Variants in RNF111 observed in about 807,000 individuals in gnomAD.
RNF111 encodes the protein E3 ubiquitin-protein ligase Arkadia.
Under a neutral mutation model 95.1 loss-of-function variants are expected in RNF111, and 17 were observed. That is an observed-to-expected ratio of 0.18 (90% confidence interval 0.12 to 0.27). RNF111 has a LOEUF of 0.27. RNF111 is among the 10% of genes least tolerant of loss of function. The pLI, the probability that RNF111 is intolerant of heterozygous loss-of-function variation, is 1.00. For missense variants in RNF111, 1,189 were observed against 1,210.4 expected, an observed-to-expected ratio of 0.98 and a Z score of 0.26; for synonymous variants, 440 against 414.8, an observed-to-expected ratio of 1.06 and a Z score of -0.74.
At chr15:58,990,142 C>G (rs73414883) in intron 1 of RNF111, among the ~76,000 whole-genome samples, 12,612 of 152,154 alleles carry the variant, frequency 0.083, 626 homozygotes, top group African/African-American at 0.14. Context: ...TACATTAGAT[C>G]TCCGAGTTTA....
chr15:59,023,403 A>G (rs2040443818), intron 1 of RNF111, among the ~76,000 whole-genome samples: 1 of 152,232 alleles, frequency 6.6e-6, no homozygotes, highest in Non-Finnish European at 1.5e-5. Context: ...GTCTCTTGTT[A>G]AATTTCATAC....
rs2899641 is a variant in RNF111, at chr15:59,052,552, A to G, written c.1007+121A>G. On this transcript the variant is annotated intron_variant, in intron 3 of 13. Transcript: ENST00000348370. ...TTTTTGAGACCCAGTTTGAGTATGC[A>G]TATATCAGATTAGTGGATTTTTTTT... 1,249 of 587,164 alleles carry G rather than the reference A, an allele frequency of 2.1e-3. 36 individuals carry two copies. In the East Asian group the frequency reaches 0.044, roughly 21 times the overall value. 36.4% of individuals were successfully genotyped at this position (587,164 alleles called of 1,614,324 possible).
intron 1 of RNF111, among the ~76,000 whole-genome samples, chr15:59,012,890 C>A (rs2039893771): frequency 1.3e-5 from 2 of 152,126 alleles, no homozygotes; most frequent in Admixed American, 1.3e-4. Flanking sequence ...AGGTGCCTGA[C>A]ACCACACCTG....
intron 1 of RNF111, among the ~76,000 whole-genome samples, chr15:59,001,704 A>G (rs1047976644): frequency 6.6e-6 from 1 of 152,218 alleles, no homozygotes; most frequent in East Asian, 1.9e-4. Flanking sequence ...AAATCATGTG[A>G]TATAAGATTT....
chr15:58,989,954 C>G (rs1229201663), intron 1 of RNF111, among the ~76,000 whole-genome samples: 1 of 151,508 alleles, frequency 6.6e-6, no homozygotes, highest in African/African-American at 2.4e-5. Context: ...CTTCTTTTGA[C>G]TTTTTCTCCC....
At position 58,992,335 on chromosome 15, in the gene RNF111, G is replaced by A. The variant is rs137950379; in HGVS notation, c.-20+4267G>A. Among the ~76,000 whole-genome samples, 766 of 152,176 alleles carry A rather than the reference G, an allele frequency of 5.0e-3. 12 individuals carry two copies. The highest frequency in any genetic ancestry group is 0.018 in the African/African-American group (732 of 41,512). ...GCTGGGATTACAGACGTGGGCCACC[G>A]TGCCCAGCAATGTCTGTTATTTTAA... is the stretch of plus-strand genomic sequence containing the variant. On this transcript the variant is annotated intron_variant, in intron 1 of 13. Coordinates refer to ENST00000348370, the MANE Select transcript of RNF111 (RefSeq NM_017610.8).
rs550694025 is a variant in RNF111, at chr15:59,082,913, C to G, written c.2298-1216C>G. Among the ~76,000 whole-genome samples the G allele has an allele frequency of 1.3e-4, 20 of 152,266 alleles. No individual in the cohort carries two copies. In the South Asian group the frequency reaches 3.9e-3, roughly 30 times the overall value. ...GTTTAACAGTCTTATCTTCCAGTAA[C>G]TGGCAAATTGTTGTTTAGAATAAAC... On this transcript the variant is annotated intron_variant, in intron 8 of 13. Coordinates refer to ENST00000348370, the MANE Select transcript of RNF111 (RefSeq NM_017610.8).
intron 9 of RNF111, among the ~76,000 whole-genome samples, chr15:59,085,074 T>C (rs1417274807): frequency 2.6e-5 from 4 of 152,218 alleles, no homozygotes; most frequent in Non-Finnish European, 4.4e-5. Context: ...TTAGATTAAT[T>C]TTCTGAATCC....
Position 59,085,800 on chromosome 15 carries a change from T to G in RNF111, c.2550+15T>G, listed in dbSNP as rs780838149. ...TTCCTTTAATGGTAAAATGGAAAATTTTCAAAATTTTGACATGTTCTAAAA... is the reference window on the plus strand; with the variant it reads ...TTCCTTTAATGGTAAAATGGAAAATGTTCAAAATTTTGACATGTTCTAAAA... On this transcript the variant is annotated intron_variant, in intron 10 of 13. Coordinates refer to ENST00000348370, the MANE Select transcript of RNF111 (RefSeq NM_017610.8). 6.2e-7 allele frequency: 1 copy of G among 1,609,702 alleles called. No individual in the cohort carries two copies. Among genetic ancestry groups the G allele is most frequent in the Admixed American group, 1.7e-5 (1 of 59,560 alleles).
At chr15:59,093,254 T>TG in intron 13 of RNF111, 1 of 320,028 alleles carries the variant, frequency 3.1e-6, no homozygotes, top group Non-Finnish European at 6.1e-6. Context: ...TGAGAGGCTT[T>TG]GGAGGTCCTA....
intron 1 of RNF111, among the ~76,000 whole-genome samples, chr15:58,995,463 T>G (rs925999238): frequency 1.1e-5 from 1 of 90,760 alleles, no homozygotes; most frequent in Non-Finnish European, 3.0e-5. Context: ...ACATAACCTC[T>G]TGTTTTTTTT....
chr15:59,084,063 A>T lies in RNF111; in HGVS notation c.2298-66A>T, dbSNP rs755097097. ...ATTAATACTAGGGATTTTTTTCTACATTAAGAAAAGAAATAACCAATTATT... is the reference window on the plus strand; with the variant it reads ...ATTAATACTAGGGATTTTTTTCTACTTTAAGAAAAGAAATAACCAATTATT... On this transcript the variant is annotated intron_variant, in intron 8 of 13. Coordinates refer to ENST00000348370, the MANE Select transcript of RNF111 (RefSeq NM_017610.8). The T allele has an allele frequency of 3.4e-6, 5 of 1,450,268 alleles. No homozygotes were observed. In the African/African-American group the frequency reaches 7.2e-5, roughly 21 times the overall value. 89.8% of individuals were successfully genotyped at this position (1,450,268 alleles called of 1,614,324 possible).
rs1254792921 is a variant in RNF111, at chr15:59,052,403, G to C, written c.979G>C (p.Glu327Gln). 1 of 1,595,028 alleles carries C rather than the reference G, an allele frequency of 6.3e-7. No individual in the cohort carries two copies. The highest frequency in any genetic ancestry group is 8.5e-7 in the Non-Finnish European group (1 of 1,172,610). Reference protein sequence around the residue: ...INVTSTDSEVEIVTVGESYRS... With the variant: ...INVTSTDSEVQIVTVGESYRS... ...TGTTACCTCAACTGACAGTGAAGTGGAGATTGTAACAGTTGGAGAAAGCTA... is the reference window on the plus strand; with the variant it reads ...TGTTACCTCAACTGACAGTGAAGTGCAGATTGTAACAGTTGGAGAAAGCTA... Residue 327 changes from glutamate to glutamine, a missense_variant, in exon 3 of 14, where the codon GAG becomes CAG. By Grantham distance (29) the Glu-to-Gln change is conservative. Coordinates refer to ENST00000348370, the MANE Select transcript of RNF111 (RefSeq NM_017610.8).
intron 5 of RNF111, among the ~76,000 whole-genome samples, chr15:59,061,134 A>G (rs1268975537): frequency 1.3e-5 from 2 of 152,154 alleles, no homozygotes; most frequent in Non-Finnish European, 2.9e-5. Context: ...TTTATGTGAT[A>G]CAGTCCCAAC....
At chr15:59,081,341 G>A in intron 8 of RNF111, 57 bp downstream of exon 8, 1 of 1,431,510 alleles carries the variant, frequency 7.0e-7, no homozygotes, top group South Asian at 1.3e-5. Flanking sequence ...TACTTCCATT[G>A]GTCTTTACAA....
intron 2 of RNF111, among the ~76,000 whole-genome samples, chr15:59,033,703 A>G (rs569142577): frequency 6.6e-6 from 1 of 152,330 alleles, no homozygotes; most frequent in East Asian, 1.9e-4. Context: ...AGGGGTTCAT[A>G]TAGCCTCAAG....
At chr15:59,074,406 C>G (rs987594799) in intron 6 of RNF111, among the ~76,000 whole-genome samples, 5 of 152,310 alleles carry the variant, frequency 3.3e-5, no homozygotes, top group African/African-American at 1.2e-4. Context: ...CATAAATGAT[C>G]TTAGCTGGAT....
chr15:59,039,575 A>G (rs1368535422), intron 2 of RNF111, among the ~76,000 whole-genome samples: 1 of 152,188 alleles, frequency 6.6e-6, no homozygotes, highest in Non-Finnish European at 1.5e-5. Flanking sequence ...GCCATTGGGA[A>G]CATCTTCAAA....
chr15:59,068,691 A>G (rs1485902319), intron 6 of RNF111, among the ~76,000 whole-genome samples: 2 of 151,970 alleles, frequency 1.3e-5, no homozygotes, highest in African/African-American at 2.4e-5. Context: ...CGGCCAAGCT[A>G]CCACTTTTCT....
Sources: gnomAD v4.1 joint callset for allele counts (sites outside exome capture counted in the v4.1 genomes callset) on GRCh38, gnomAD v4.1.1 for gene constraint, MANE v1.5 for transcripts, NCBI Gene and HGNC (gene_info 2026-07-23, HGNC 2026-07-21) for gene names.